The following RGL3 variants were observed in gnomAD, a reference collection of about 807,000 sequenced individuals.
RGL3 encodes ral guanine nucleotide dissociation stimulator-like 3.
RGL3 carries 85 observed loss-of-function variants against 90.6 expected under a neutral mutation model. The ratio of observed to expected loss-of-function variants is 0.94; its 90% CI spans 0.79 to 1.12. The LOEUF (loss-of-function observed/expected upper bound fraction) is 1.12. RGL3 is among the 50% of genes most tolerant of loss of function. The pLI is 0.00. For missense variants in RGL3, 1,034 were observed against 939.2 expected, an observed-to-expected ratio of 1.10 and a Z score of -1.32; for synonymous variants, 408 against 385.5, an observed-to-expected ratio of 1.06 and a Z score of -0.68.
chr19:11,400,412 G>T, intron 13 of RGL3, 115 bp from the exon 14 acceptor site: 1 of 777,480 alleles, frequency 1.3e-6, no homozygotes, highest in South Asian at 2.2e-5. Flanking sequence ...GCAGCCAGAG[G>T]TGGCACCCCA....
At chr19:11,397,692 C>T in intron 16 of RGL3, 95 bp from the exon 17 acceptor site, 2 of 1,186,536 alleles carry the variant, frequency 1.7e-6, no homozygotes, top group Non-Finnish European at 1.1e-6. Context: ...CTGGTGCATT[C>T]AATAGCCCCA....
chr19:11,396,662 C>CTT (rs34889967), intron 18 of RGL3, among the ~76,000 whole-genome samples: 4 of 123,106 alleles, frequency 3.2e-5, no homozygotes, highest in Non-Finnish European at 5.1e-5. Flanking sequence ...CGTGGACAGT[C>CTT]TTTTTTTTTT....
chr19:11,409,041 G>T (rs905100591), intron 5 of RGL3, among the ~76,000 whole-genome samples: 3 of 152,038 alleles, frequency 2.0e-5, no homozygotes, highest in Admixed American at 6.6e-5. Flanking sequence ...GCTGAGCATG[G>T]TGGCAAGTGC....
intron 9 of RGL3, among the ~76,000 whole-genome samples, 177 bp downstream of exon 9, chr19:11,404,970 C>T (rs1968743584): frequency 6.6e-6 from 1 of 152,018 alleles, no homozygotes; most frequent in Non-Finnish European, 1.5e-5. Flanking sequence ...AACTATAACG[C>T]AGGAAGTAGA....
At chr19:11,412,940 T>A (rs1968897855) in intron 5 of RGL3, among the ~76,000 whole-genome samples, 1 of 152,026 alleles carries the variant, frequency 6.6e-6, no homozygotes, top group South Asian at 2.1e-4. Flanking sequence ...CACTCCAGCC[T>A]AGGCGACAGA....
intron 5 of RGL3, among the ~76,000 whole-genome samples, chr19:11,414,856 C>T (rs144475789): frequency 2.3e-4 from 35 of 152,048 alleles, no homozygotes; most frequent in African/African-American, 7.2e-4. Flanking sequence ...AAGGAGGCTA[C>T]GCATGCACAA....
chr19:11,402,343 G>A lies in RGL3; in HGVS notation c.1330-96C>T. On this transcript the variant is annotated intron_variant, in intron 11 of 18. Coordinates refer to ENST00000380456, the MANE Select transcript of RGL3 (RefSeq NM_001035223.4). ...TGTCAGGAGCCCCACTGTAGTAAGG[G>A]AGTGTGGGGTGGTGTCAGGAGTACA... The A allele has an allele frequency of 3.2e-6, 5 of 1,579,994 alleles. No individual in the cohort carries two copies. In the South Asian group the frequency reaches 3.4e-5, roughly 11 times the overall value.
chr19:11,415,002 C>G (rs142636214), intron 5 of RGL3, among the ~76,000 whole-genome samples: 1 of 151,714 alleles, frequency 6.6e-6, no homozygotes, highest in Non-Finnish European at 1.5e-5. Flanking sequence ...TGGTGACATG[C>G]GCCTGTGGTC....
chr19:11,402,239 G>A lies in RGL3; in HGVS notation c.1338C>T (p.Leu446=). 2 of 1,613,286 alleles carry A rather than the reference G, an allele frequency of 1.2e-6. No homozygotes were observed. The highest frequency in any genetic ancestry group is 1.7e-6 in the Non-Finnish European group (2 of 1,179,898). ...CCTTCCTCCTCTTCTCAAAGTTAAT[G>A]AGATCCCCCTGGGGGCAAAGTGTGT... ...TALPDMLEGD[L]INFEKRRKEW... is the part of the protein sequence containing the mutation. Residue 446 remains leucine (L), a synonymous_variant, in exon 12 of 19, where the codon CTC becomes CTT. Coordinates refer to ENST00000380456, the MANE Select transcript of RGL3 (RefSeq NM_001035223.4).
At chr19:11,414,165 A>ACC (rs1283038865) in intron 5 of RGL3, among the ~76,000 whole-genome samples, 6 of 111,234 alleles carry the variant, frequency 5.4e-5, no homozygotes, top group African/African-American at 1.9e-4. Flanking sequence ...ATATATATAT[A>ACC]TATATATATA....
At chr19:11,417,842 T>A (rs1319176809) in intron 2 of RGL3, among the ~76,000 whole-genome samples, 3 of 152,092 alleles carry the variant, frequency 2.0e-5, no homozygotes, top group Non-Finnish European at 4.4e-5. Context: ...TTGTTTTTTT[T>A]AGAAACAGGT....
intron 5 of RGL3, among the ~76,000 whole-genome samples, chr19:11,410,419 C>T (rs1176126196): frequency 1.3e-5 from 2 of 152,022 alleles, no homozygotes; most frequent in Non-Finnish European, 2.9e-5. Flanking sequence ...GGGCTGGGCA[C>T]ACCTATAGTC....
chr19:11,399,823 G>A, intron 16 of RGL3, 32 bp downstream of exon 16: 5 of 1,259,394 alleles, frequency 4.0e-6, no homozygotes, highest in Non-Finnish European at 5.5e-6. Flanking sequence ...GGTGCCCGCA[G>A]GCCCGCATGC....
rs918332907 is a variant in RGL3 at position 11,410,300 on chromosome 19, C to A, written c.638-3436G>T. The stretch of plus-strand genomic sequence containing the variant: ...ACAGGCATGAGCCATAGCACCCTGC[C>A]CCAATACTATTATTTTAAAATAATC... On this transcript the variant is annotated intron_variant, in intron 5 of 18. Transcript: ENST00000380456. Among the ~76,000 whole-genome samples the A allele has an allele frequency of 2.0e-5, 3 of 151,826 alleles. No individual in the cohort carries two copies. The East Asian group carries it at 5.8e-4, about 29-fold the overall frequency.
In RGL3 at chr19:11,402,491, C is replaced by T. The variant is rs776268747; in HGVS notation, c.1293G>A (p.Leu431=). Reference sequence around the variant, plus strand: ...CCGGCAGGGCTGTGTCCAGCATAACCAGGTCCGTAAGGAAGGTGCCAAGGT... The same window carrying T: ...CCGGCAGGGCTGTGTCCAGCATAACTAGGTCCGTAAGGAAGGTGCCAAGGT... ...VPYLGTFLTD[L]VMLDTALPDM... is the part of the protein sequence containing the mutation. Residue 431 remains leucine, a synonymous_variant, in exon 11 of 19, where the codon CTG becomes CTA. Transcript: ENST00000380456. 12 of 1,605,142 alleles carry T rather than the reference C, an allele frequency of 7.5e-6. No homozygotes were observed. The African/African-American group carries it at 9.4e-5, about 13-fold the overall frequency.
At chr19:11,406,325 G>T (rs551657078) in intron 7 of RGL3, 94 bp downstream of exon 7, 6 of 1,241,914 alleles carry the variant, frequency 4.8e-6, no homozygotes, top group African/African-American at 3.0e-5. Flanking sequence ...TCCCTCCCTC[G>T]CCTAGACTCG....
intron 5 of RGL3, among the ~76,000 whole-genome samples, chr19:11,409,482 AAAAAC>A (rs144414086): frequency 0.19 from 29,493 of 151,846 alleles, 3,137 homozygotes; most frequent in East Asian, 0.35. Context: ...CTCCATCTCA[AAAAAC>A]AAAACAAAAC....
chr19:11,394,713 T>C, intron 18 of RGL3, 193 bp from the exon 19 acceptor site: 1 of 561,080 alleles, frequency 1.8e-6, no homozygotes, highest in Admixed American at 3.0e-5. Context: ...TTGCACCACC[T>C]CATGCCTTCC....
intron 9 of RGL3, among the ~76,000 whole-genome samples, chr19:11,404,326 G>C (rs185081365): frequency 6.6e-6 from 1 of 152,058 alleles, no homozygotes; most frequent in African/African-American, 2.4e-5. Context: ...TCAGGGATTC[G>C]AGACCAGCCT....
Sources: gnomAD v4.1 joint callset for allele counts (sites outside exome capture counted in the v4.1 genomes callset) on GRCh38, gnomAD v4.1.1 for gene constraint, MANE v1.5 for transcripts, NCBI Gene and HGNC (gene_info 2026-07-23, HGNC 2026-07-21) for gene names.